The following ARHGEF2 variants were observed in gnomAD, a reference collection of about 807,000 sequenced individuals.
ARHGEF2 encodes the protein rho guanine nucleotide exchange factor 2.
A neutral mutation model predicts 121.0 loss-of-function variants in ARHGEF2; 22 were observed. That is an observed-to-expected ratio of 0.18 (90% CI 0.13 to 0.26). The LOEUF (loss-of-function observed/expected upper bound fraction) is 0.26, where lower values mean the gene tolerates loss of function less well. Ranked by LOEUF, ARHGEF2 falls within the 10% of genes least tolerant of loss-of-function variation. ARHGEF2 has a pLI of 1.00. For synonymous variants in ARHGEF2, 487 were observed against 530.0 expected (o/e 0.92, Z 1.11); for missense variants, 907 against 1,336.0 (o/e 0.68, Z 5.01).
At chr1:155,958,735 T>C (rs1014045542) in intron 11 of ARHGEF2, among the ~76,000 whole-genome samples, 3 of 151,828 alleles carry the variant, frequency 2.0e-5, no homozygotes, top group Middle Eastern at 6.8e-3. Flanking sequence ...TGTGCCACCA[T>C]GCCCGGCTAA....
At chr1:155,971,953 TA>T (rs1393894625) in intron 1 of ARHGEF2, among the ~76,000 whole-genome samples, 1 of 151,108 alleles carries the variant, frequency 6.6e-6, no homozygotes, top group Non-Finnish European at 1.5e-5. Flanking sequence ...AAAATAGTAT[TA>T]AAAAAAACAA....
Position 155,965,537 on chromosome 1 carries a change from T to TTCTGAACTCAG in ARHGEF2, c.470+83_470+93dup. The TTCTGAACTCAG allele has an allele frequency of 6.2e-7, 1 of 1,606,706 alleles. No individual in the cohort carries two copies. Among genetic ancestry groups the TTCTGAACTCAG allele is most frequent in the Non-Finnish European group, 8.5e-7 (1 of 1,175,498 alleles). On this transcript the variant is annotated intron_variant, in intron 5 of 21. Transcript: ENST00000361247. This position sits in a 1 kb window ranked among gnomAD's most constrained non-coding sequence, Gnocchi z 6.0. ...GTTCTCCTTATTTGTCTGTCTACAG[T>TTCTGAACTCAG]TCTGAACTCAGGGATGGAAAGGGAC...
Position 155,962,498 on chromosome 1 carries a change from G to T in ARHGEF2, c.1101+95C>A. On this transcript the variant is annotated intron_variant, in intron 9 of 21. Transcript: ENST00000361247. The surrounding 1 kb of genome is among the most constrained non-coding windows in gnomAD (Gnocchi z 5.8). ...TGGTCTGCACGGGTGGCGAATGCCT[G>T]ACCTCCATGTGGGTGCAGCTCACAG... 1 of 1,550,156 alleles carries T rather than the reference G, an allele frequency of 6.5e-7. No homozygotes were observed. The highest frequency in any genetic ancestry group is 8.8e-7 in the Non-Finnish European group (1 of 1,141,634).
At position 155,962,273 on chromosome 1, in the gene ARHGEF2, G is replaced by A; in HGVS notation, c.1102-51C>T. 6.4e-7 allele frequency: 1 copy of A among 1,561,928 alleles called. No homozygotes were observed. The highest frequency in any genetic ancestry group is 1.1e-5 in the South Asian group (1 of 89,690). Reference sequence around the variant, plus strand: ...GGCCAGAGGGGAGGGCAACAGAAAGGCCTGGGGCCTGAGCTCTGGTGCTGG... The same window carrying A: ...GGCCAGAGGGGAGGGCAACAGAAAGACCTGGGGCCTGAGCTCTGGTGCTGG... On this transcript the variant is annotated intron_variant, in intron 9 of 21. Transcript: ENST00000361247. This position sits in a 1 kb window ranked among gnomAD's most constrained non-coding sequence, Gnocchi z 5.8.
chr1:155,969,084 G>C lies in ARHGEF2; in HGVS notation c.208+72C>G, dbSNP rs898471529. The C allele has an allele frequency of 6.4e-5, 101 of 1,579,858 alleles. No homozygotes were observed. The East Asian group carries it at 2.2e-3, about 34-fold the overall frequency. On this transcript the variant is annotated intron_variant, in intron 2 of 21. Transcript: ENST00000361247. ...AGAGTGACCCTCATGGATCCAGGCA[G>C]AAAAAACAGATGAAAAGATCAGGGT...
chr1:155,958,227 G>T, intron 12 of ARHGEF2, 93 bp downstream of exon 12: 1 of 966,542 alleles, frequency 1.0e-6, no homozygotes, highest in East Asian at 2.5e-5. Flanking sequence ...TTGACTCTGG[G>T]GGACTCCAGA....
chr1:155,961,572 G>C lies in ARHGEF2; in HGVS notation c.1468+89C>G. On this transcript the variant is annotated intron_variant, in intron 11 of 21. Transcript: ENST00000361247. The surrounding 1 kb of genome is among the most constrained non-coding windows in gnomAD (Gnocchi z 4.7). The stretch of plus-strand genomic sequence containing the variant: ...TACAGGCGTTGAGCCACTGCACCCG[G>C]CCAAGAGAGGTTGATTCTAAGACCT... 2 of 1,535,404 alleles carry C rather than the reference G, an allele frequency of 1.3e-6. No homozygotes were observed. The highest frequency in any genetic ancestry group is 2.5e-5 in the South Asian group (2 of 81,550).
intron 1 of ARHGEF2, among the ~76,000 whole-genome samples, chr1:155,972,783 C>T (rs1415612429): frequency 6.6e-6 from 1 of 151,728 alleles, no homozygotes; most frequent in East Asian, 1.9e-4. Context: ...CTCACCGCAG[C>T]CTTGACCTCC....
At position 155,978,301 on chromosome 1, in the gene ARHGEF2, C is replaced by T; in HGVS notation, c.63+64G>A. 2.1e-6 allele frequency: 3 copies of T among 1,407,026 alleles called. No homozygotes were observed. Among genetic ancestry groups the T allele is most frequent in the East Asian group, 2.8e-5 (1 of 35,388 alleles). The allele number at this position is 1,407,026 out of a possible 1,614,324, so 87.2% of individuals were successfully genotyped here. On this transcript the variant is annotated intron_variant, in intron 1 of 21. Transcript: ENST00000361247. This position sits in a 1 kb window ranked among gnomAD's most constrained non-coding sequence, Gnocchi z 4.1. ...AGGCGGGGAGACAGGAGATGCACCG[C>T]GGGTGCCGGGGTTCGGGGAGCACCC... is the stretch of plus-strand genomic sequence containing the variant.
chr1:155,963,142 T>C lies in ARHGEF2; in HGVS notation c.766A>G (p.Ile256Val). 4 of 1,613,032 alleles carry C rather than the reference T, an allele frequency of 2.5e-6. No individual in the cohort carries two copies. Among genetic ancestry groups the C allele is most frequent in the Non-Finnish European group, 3.4e-6 (4 of 1,179,912 alleles). ...CCCGTGCGGAAGAGGCGGGTCATGA[T>C]CTTCAGTGTCCTCACATGGTGCAGC... ...TELHHVRTLK[I>V]MTRLFRTGML... Residue 256 changes from isoleucine (I) to valine (V), a missense_variant, in exon 8 of 22, where the codon ATC becomes GTC. By Grantham distance (29) the Ile-to-Val change is conservative. Transcript: ENST00000361247.
Position 155,965,349 on chromosome 1 carries a change from G to A in ARHGEF2, c.534C>T (p.Leu178=). ...RRILSQSTDS[L]NMRNRTLSVE... is the part of the protein sequence containing the mutation. ...CGGATAGGGTTCGGTTCCGCATGTT[G>A]AGGGAGTCTGTGGACTGTGAGAGGA... Residue 178 remains leucine, a synonymous_variant, in exon 6 of 22, where the codon CTC becomes CTT. Coordinates refer to ENST00000361247, the MANE Select transcript of ARHGEF2 (RefSeq NM_001162383.2). This position sits in a 1 kb window ranked among gnomAD's most constrained non-coding sequence, Gnocchi z 6.0. 6.2e-7 allele frequency: 1 copy of A among 1,614,184 alleles called. No homozygotes were observed. Among genetic ancestry groups the A allele is most frequent in the Non-Finnish European group, 8.5e-7 (1 of 1,180,028 alleles).
chr1:155,962,421 C>T lies in ARHGEF2; in HGVS notation c.1101+172G>A. 2 of 1,113,118 alleles carry T rather than the reference C, an allele frequency of 1.8e-6. No individual in the cohort carries two copies. The highest frequency in any genetic ancestry group is 2.6e-6 in the Non-Finnish European group (2 of 773,338). 69.0% of individuals were successfully genotyped at this position (1,113,118 alleles called of 1,614,324 possible). A position where few individuals can be genotyped will look rare whatever the true frequency, so the allele number is the denominator to read the frequency against. ...GCAAAAAGTACTTGGGAAACTACCA[C>T]AACGTGCTCTAGCATTCTGAGGGGT... On this transcript the variant is annotated intron_variant, in intron 9 of 21. Coordinates refer to ENST00000361247, the MANE Select transcript of ARHGEF2 (RefSeq NM_001162383.2). This position sits in a 1 kb window ranked among gnomAD's most constrained non-coding sequence, Gnocchi z 5.8.
Position 155,950,770 on chromosome 1 carries a change from C to G in ARHGEF2, c.2703+59G>C. The G allele has an allele frequency of 2.0e-6, 3 of 1,483,012 alleles. No homozygotes were observed. The highest frequency in any genetic ancestry group is 2.7e-6 in the Non-Finnish European group (3 of 1,104,708). The allele number at this position is 1,483,012 out of a possible 1,614,324, so 91.9% of individuals were successfully genotyped here. On this transcript the variant is annotated intron_variant, in intron 20 of 21. Transcript: ENST00000361247. This position sits in a 1 kb window ranked among gnomAD's most constrained non-coding sequence, Gnocchi z 5.2. ...AAATCCCCAATGGCCCAATTTCTTT[C>G]GGGCTCCATGGACCCTTATGTCCAC... is the stretch of plus-strand genomic sequence containing the variant.
chr1:155,964,062 T>C (rs1304588700), intron 7 of ARHGEF2, among the ~76,000 whole-genome samples: 1 of 147,700 alleles, frequency 6.8e-6, no homozygotes, highest in Non-Finnish European at 1.5e-5. Context: ...GGAGAATTGC[T>C]TGAACCTGGG....
At chr1:155,949,363 T>C (rs1674925285) in intron 21 of ARHGEF2, among the ~76,000 whole-genome samples, 1 of 151,978 alleles carries the variant, frequency 6.6e-6, no homozygotes, top group African/African-American at 2.4e-5. Flanking sequence ...AGGCGGATCA[T>C]GAGGTCAAGA....
At chr1:155,952,883 C>T in intron 14 of ARHGEF2, 55 bp from the exon 15 acceptor site, 1 of 1,572,410 alleles carries the variant, frequency 6.4e-7, no homozygotes, top group Non-Finnish European at 8.7e-7. Context: ...TGCAAGAGCG[C>T]CAGTAGAGGA....
At chr1:155,977,812 G>C (rs1267157733) in intron 1 of ARHGEF2, among the ~76,000 whole-genome samples, 1 of 152,212 alleles carries the variant, frequency 6.6e-6, no homozygotes, top group Non-Finnish European at 1.5e-5. Flanking sequence ...GTCCATTTGC[G>C]AGGAGAGGAG....
At chr1:155,956,211 G>T (rs1676642996) in intron 13 of ARHGEF2, among the ~76,000 whole-genome samples, 1 of 151,990 alleles carries the variant, frequency 6.6e-6, no homozygotes, top group Admixed American at 6.6e-5. Flanking sequence ...CGATTCTCCT[G>T]CCTCAGCTTC....
In ARHGEF2 at chr1:155,965,740, T is replaced by C; in HGVS notation, c.361A>G (p.Ser121Gly). 1.2e-6 allele frequency: 2 copies of C among 1,601,022 alleles called. No individual in the cohort carries two copies. The highest frequency in any genetic ancestry group is 8.5e-7 in the Non-Finnish European group (1 of 1,176,948). Residue 121 changes from serine (S) to glycine (G), a missense_variant, in exon 5 of 22, where the codon AGC (serine) becomes GGC (glycine). By Grantham distance (56) the Ser-to-Gly change is moderately conservative (BLOSUM62 0). Transcript: ENST00000361247. The surrounding 1 kb of genome is among the most constrained non-coding windows in gnomAD (Gnocchi z 6.0). ...RSKTTIRERP[S>G]SAIYPSDSFR... Reference sequence around the variant, plus strand: ...CTGTCGGAGGGGTAGATGGCCGAGCTTGGCCGCTCCCGGATGGTTGCTGTG... The same window carrying C: ...CTGTCGGAGGGGTAGATGGCCGAGCCTGGCCGCTCCCGGATGGTTGCTGTG...
Sources: allele counts gnomAD v4.1 joint callset (sites outside exome capture counted in the v4.1 genomes callset), GRCh38; gene constraint gnomAD v4.1.1; non-coding constraint Gnocchi (gnomAD v3.1); transcripts MANE v1.5; gene names NCBI Gene and HGNC (gene_info 2026-07-23, HGNC 2026-07-21).